Variants in PEX5L observed in about 807,000 individuals in gnomAD.
PEX5L encodes the protein peroxisomal biogenesis factor 5 like.
Under a neutral mutation model 84.0 loss-of-function variants are expected in PEX5L, and 30 were observed. The ratio of observed to expected loss-of-function variants is 0.36; its 90% CI spans 0.27 to 0.48. PEX5L has a LOEUF of 0.48. Ranked by LOEUF, PEX5L falls within the 20% of genes least tolerant of loss-of-function variation. The pLI is 0.99. For missense variants in PEX5L, 533 were observed against 754.6 expected (o/e 0.71, Z 3.44); for synonymous variants, 270 against 283.1 (o/e 0.95, Z 0.46).
Position 179,986,528 on chromosome 3 carries a change from G to A in PEX5L, c.22-14863C>T, listed in dbSNP as rs373677491. Reference sequence around the variant, plus strand: ...CGCCATTCTCCTGCCTCAGCCTCCCGAGTAGCTGGGACTACAGGCGCCCGC... The same window carrying A: ...CGCCATTCTCCTGCCTCAGCCTCCCAAGTAGCTGGGACTACAGGCGCCCGC... On this transcript the variant is annotated intron_variant, in intron 1 of 14. Coordinates refer to ENST00000467460, the MANE Select transcript of PEX5L (RefSeq NM_016559.3). 2.7e-5 allele frequency among the ~76,000 whole-genome samples: 4 copies of A among 150,052 alleles called. 1 individual carries two copies. The highest frequency in any genetic ancestry group is 2.1e-4 in the South Asian group (1 of 4,704).
chr3:180,032,025 G>T (rs1261152055), intron 1 of PEX5L, among the ~76,000 whole-genome samples: 1 of 152,176 alleles, frequency 6.6e-6, no homozygotes, highest in Non-Finnish European at 1.5e-5. Flanking sequence ...CTATTGGCCA[G>T]TATGGCTGGG....
chr3:180,008,245 T>C lies in PEX5L; in HGVS notation c.21+28334A>G, dbSNP rs181743316. ...CTAGGGCAGGGGCAAATGCTGCCAG[T>C]CTCTTTGCTAAAACATAACAAGACT... is the stretch of plus-strand genomic sequence containing the variant. On this transcript the variant is annotated intron_variant, in intron 1 of 14. Coordinates refer to ENST00000467460, the MANE Select transcript of PEX5L (RefSeq NM_016559.3). Among the ~76,000 whole-genome samples, 4 of 152,312 alleles carry C rather than the reference T, an allele frequency of 2.6e-5. No individual in the cohort carries two copies. In the East Asian group the frequency reaches 7.7e-4, roughly 29 times the overall value.
rs1300035703 is a variant in PEX5L at position 179,797,097 on chromosome 3, T to C, written c.*4731A>G. ...TAAGAATTTAAAGTCGAAACCTTTA[T>C]GTGCTGAGGCAGTCAACATGATTTA... On this transcript the variant is annotated 3_prime_UTR_variant, in exon 15 of 15. Coordinates refer to ENST00000467460, the MANE Select transcript of PEX5L (RefSeq NM_016559.3). The C allele has an allele frequency of 1.3e-5, 2 of 152,242 alleles. No individual in the cohort carries two copies. The highest frequency in any genetic ancestry group is 4.8e-5 in the African/African-American group (2 of 41,476). The allele number at this position is 152,242 out of a possible 1,614,324, so 9.4% of individuals were successfully genotyped here.
intron 11 of PEX5L, among the ~76,000 whole-genome samples, chr3:179,811,217 A>ATGTGTGTG (rs59791968): frequency 6.7e-6 from 1 of 150,104 alleles, no homozygotes; most frequent in Non-Finnish European, 1.5e-5. Flanking sequence ...TATGGAATGT[A>ATGTGTGTG]TGTGTGTGTG....
At chr3:179,846,446 A>G (rs1237380499) in intron 8 of PEX5L, among the ~76,000 whole-genome samples, 2 of 152,102 alleles carry the variant, frequency 1.3e-5, no homozygotes, top group Non-Finnish European at 2.9e-5. Flanking sequence ...CTATCTTACT[A>G]TATTTTTGCA....
chr3:179,963,914 A>G (rs574595828), intron 2 of PEX5L, among the ~76,000 whole-genome samples: 1 of 152,204 alleles, frequency 6.6e-6, no homozygotes, highest in South Asian at 2.1e-4. Flanking sequence ...TATTGTTTAA[A>G]ATAATTATAA....
chr3:180,009,237 T>C lies in PEX5L; in HGVS notation c.21+27342A>G, dbSNP rs557763734. The stretch of plus-strand genomic sequence containing the variant: ...TTAATAACTACTATACAAGGGTTGC[T>C]TGTAGGGGTTGTTTTCAGATCACAT... On this transcript the variant is annotated intron_variant, in intron 1 of 14. Transcript: ENST00000467460. Among the ~76,000 whole-genome samples the C allele has an allele frequency of 6.5e-4, 99 of 152,318 alleles. 3 individuals are homozygous for C. In the South Asian group the frequency reaches 0.02, roughly 31 times the overall value.
At chr3:179,918,258 A>G (rs971683327) in intron 2 of PEX5L, among the ~76,000 whole-genome samples, 4 of 152,130 alleles carry the variant, frequency 2.6e-5, no homozygotes, top group Admixed American at 2.6e-4. Context: ...GTGGTACTTC[A>G]CAATTTCCAC....
intron 3 of PEX5L, among the ~76,000 whole-genome samples, chr3:179,889,571 A>G (rs1756985921): frequency 6.6e-6 from 1 of 152,172 alleles, no homozygotes; most frequent in South Asian, 2.1e-4. Flanking sequence ...ATCTTTCTTC[A>G]ATTATTGTAA....
intron 1 of PEX5L, among the ~76,000 whole-genome samples, chr3:180,001,493 A>T (rs867014236): frequency 3.4e-5 from 5 of 149,142 alleles, no homozygotes; most frequent in African/African-American, 9.8e-5. Context: ...AAGAAAACAA[A>T]TTTTTTTTTT....
Position 179,988,699 on chromosome 3 carries a change from T to G in PEX5L, c.22-17034A>C, listed in dbSNP as rs1204966009. ...GAACTTGCTGGTGCTCAGTTGTCTT[T>G]AAGTGTGTATGTAAACACCTGCTTT... On this transcript the variant is annotated intron_variant, in intron 1 of 14. Transcript: ENST00000467460. Among the ~76,000 whole-genome samples the G allele has an allele frequency of 3.9e-5, 6 of 152,360 alleles. No homozygotes were observed. The East Asian group carries it at 1.2e-3, about 29-fold the overall frequency.
intron 2 of PEX5L, among the ~76,000 whole-genome samples, chr3:179,966,553 T>A (rs1187393418): frequency 2.6e-5 from 4 of 152,264 alleles, no homozygotes; most frequent in Non-Finnish European, 5.9e-5. Context: ...TAGATGTTGG[T>A]AGGACTATCT....
intron 7 of PEX5L, among the ~76,000 whole-genome samples, chr3:179,861,450 G>C (rs1041001155): frequency 1.3e-5 from 2 of 152,208 alleles, no homozygotes; most frequent in Non-Finnish European, 2.9e-5. Flanking sequence ...TGCCGGAGGG[G>C]CCTGCCTAGG....
chr3:179,925,547 T>C (rs1472866184), intron 2 of PEX5L, among the ~76,000 whole-genome samples: 4 of 152,246 alleles, frequency 2.6e-5, no homozygotes, highest in Non-Finnish European at 2.9e-5. Flanking sequence ...ATTTTTGTTA[T>C]ATCTGCATAA....
intron 7 of PEX5L, 131 bp from the exon 8 acceptor site, chr3:179,859,288 G>A (rs1416787124): frequency 1.5e-6 from 1 of 682,190 alleles, no homozygotes; most frequent in Non-Finnish European, 2.6e-6. Flanking sequence ...TGACATTTTT[G>A]GAGTACTGTG....
rs1560285299 is a variant in PEX5L at position 179,832,391 on chromosome 3, C to T, written c.823-12415G>A. Among the ~76,000 whole-genome samples, 4 of 151,708 alleles carry T rather than the reference C, an allele frequency of 2.6e-5. No homozygotes were observed. In the South Asian group the frequency reaches 8.3e-4, roughly 32 times the overall value. On this transcript the variant is annotated intron_variant, in intron 8 of 14. Transcript: ENST00000467460. ...ACCAACCTACCTACTTATCCACCCA[C>T]CAACCTTTGTATTTACTTACCCACC...
intron 2 of PEX5L, among the ~76,000 whole-genome samples, chr3:179,931,101 C>G (rs1772975760): frequency 6.6e-6 from 1 of 152,148 alleles, no homozygotes; most frequent in South Asian, 2.1e-4. Flanking sequence ...ATACATTTCT[C>G]CAACTTGTCT....
At chr3:179,832,732 TTACC>T in intron 8 of PEX5L, among the ~76,000 whole-genome samples, 1 of 150,232 alleles carries the variant, frequency 6.7e-6, no homozygotes, top group Admixed American at 6.6e-5. Context: ...ACCCACCCAC[TTACC>T]TACCCACGTA....
In PEX5L at chr3:179,974,080, G is replaced by A. The variant is rs1785439165; in HGVS notation, c.22-2415C>T. The A allele has an allele frequency of 5.1e-6, 5 of 985,598 alleles. No individual in the cohort carries two copies. In the South Asian group the frequency reaches 2.3e-4, roughly 46 times the overall value. 61.1% of individuals were successfully genotyped at this position (985,598 alleles called of 1,614,324 possible). A position where few individuals can be genotyped will look rare whatever the true frequency, so the allele number is the denominator to read the frequency against. On this transcript the variant is annotated intron_variant, in intron 1 of 14. Coordinates refer to ENST00000467460, the MANE Select transcript of PEX5L (RefSeq NM_016559.3). ...TCAGCTTCCCACTTTGCTTAGCTCA[G>A]CCAGCCCAGGCAGGGATCTTCAGCT... is the stretch of plus-strand genomic sequence containing the variant.
Sources: gnomAD v4.1 joint callset for allele counts (sites outside exome capture counted in the v4.1 genomes callset) on GRCh38, gnomAD v4.1.1 for gene constraint, MANE v1.5 for transcripts, NCBI Gene and HGNC (gene_info 2026-07-23, HGNC 2026-07-21) for gene names.